Variants in RBFOX1 observed in about 807,000 individuals in gnomAD.
RBFOX1 encodes RNA binding protein fox-1 homolog 1.
RBFOX1 carries 8 observed loss-of-function variants against 57.7 expected under a neutral mutation model. That is an observed-to-expected ratio of 0.14 (90% CI 0.08 to 0.25). RBFOX1 has a LOEUF of 0.25. RBFOX1 is among the 10% of genes least tolerant of loss of function. The pLI is 1.00. For missense variants in RBFOX1, 611 were observed against 548.5 expected, an observed-to-expected ratio of 1.11 and a Z score of -1.14; for synonymous variants, 326 against 222.4, an observed-to-expected ratio of 1.47 and a Z score of -4.15.
intron 3 of RBFOX1, among the ~76,000 whole-genome samples, chr16:6,937,877 A>G (rs144627418): frequency 2.0e-5 from 3 of 149,756 alleles, no homozygotes; most frequent in South Asian, 2.1e-4. Flanking sequence ...CTGAATTCCA[A>G]AAGGGAGATG....
intron 4 of RBFOX1, among the ~76,000 whole-genome samples, chr16:7,300,975 G>A (rs2096016137): frequency 6.6e-6 from 1 of 151,858 alleles, no homozygotes; most frequent in African/African-American, 2.4e-5. Context: ...ATTTTTTTTT[G>A]TGGAGAGATA....
intron 11 of RBFOX1, among the ~76,000 whole-genome samples, chr16:7,641,363 A>G (rs1166228571): frequency 6.6e-6 from 1 of 152,226 alleles, no homozygotes; most frequent in Non-Finnish European, 1.5e-5. Flanking sequence ...ACGTGCTTCA[A>G]ACACCATTTT....
At chr16:5,477,824 G>A (rs1287185837) in intron 2 of RBFOX1, among the ~76,000 whole-genome samples, 3 of 152,180 alleles carry the variant, frequency 2.0e-5, no homozygotes, top group Non-Finnish European at 4.4e-5. Context: ...TCTCACTGAA[G>A]GAAATTTCTG....
intron 4 of RBFOX1, among the ~76,000 whole-genome samples, chr16:5,974,812 C>T (rs577501183): frequency 4.6e-5 from 7 of 152,142 alleles, no homozygotes; most frequent in Non-Finnish European, 8.8e-5. Flanking sequence ...AGTTCCAGAC[C>T]AGCCTGACCA....
chr16:7,029,561 C>G (rs1277650303), intron 3 of RBFOX1, among the ~76,000 whole-genome samples: 45 of 152,056 alleles, frequency 3.0e-4, no homozygotes, highest in Admixed American at 2.9e-3. Context: ...GGACTAATAT[C>G]TCCAAACAGG....
chr16:6,639,373 ACTAT>A (rs762780816), intron 2 of RBFOX1, among the ~76,000 whole-genome samples: 33 of 152,260 alleles, frequency 2.2e-4, no homozygotes, highest in Non-Finnish European at 3.4e-4. Context: ...GTTGAGATAG[ACTAT>A]CTATCAGCTT....
At chr16:5,960,595 T>A (rs2059728288) in intron 4 of RBFOX1, among the ~76,000 whole-genome samples, 1 of 152,140 alleles carries the variant, frequency 6.6e-6, no homozygotes, top group African/African-American at 2.4e-5. Flanking sequence ...GTTAATCAGA[T>A]TCATGCCGTT....
intron 3 of RBFOX1, among the ~76,000 whole-genome samples, chr16:6,728,230 C>T (rs1420272867): frequency 6.6e-6 from 1 of 152,208 alleles, no homozygotes; most frequent in African/African-American, 2.4e-5. Context: ...GAAGCTTCTG[C>T]AGGACTGCTA....
chr16:7,523,690 C>G lies in RBFOX1; in HGVS notation c.270+5301C>G, dbSNP rs538549507. Among the ~76,000 whole-genome samples, 225 of 152,224 alleles carry G rather than the reference C, an allele frequency of 1.5e-3. 1 individual carries two copies. Among genetic ancestry groups the G allele is most frequent in the Middle Eastern group, 3.4e-3 (1 of 294 alleles). ...GCTGATCCTGAAGGAAGTTTTAAGA[C>G]TTATATTCTGAACTGGTATTGGGTA... On this transcript the variant is annotated intron_variant, in intron 5 of 15. Transcript: ENST00000550418.
intron 4 of RBFOX1, among the ~76,000 whole-genome samples, chr16:7,176,598 C>T (rs1221576208): frequency 6.6e-6 from 1 of 152,110 alleles, no homozygotes; most frequent in East Asian, 1.9e-4. Context: ...GCTACAACGA[C>T]ACAGATGATT....
At chr16:6,936,607 C>T (rs1380456714) in intron 3 of RBFOX1, among the ~76,000 whole-genome samples, 2 of 151,960 alleles carry the variant, frequency 1.3e-5, no homozygotes, top group African/African-American at 4.8e-5. Flanking sequence ...ACTTGACATC[C>T]CTATAAAATA....
intron 4 of RBFOX1, among the ~76,000 whole-genome samples, chr16:7,138,688 C>T (rs2072744479): frequency 6.6e-6 from 1 of 152,174 alleles, no homozygotes. Context: ...TAATCATCTA[C>T]CTTCATCATC....
chr16:5,775,321 C>T (rs2054110461), intron 3 of RBFOX1, among the ~76,000 whole-genome samples: 1 of 152,168 alleles, frequency 6.6e-6, no homozygotes, highest in Non-Finnish European at 1.5e-5. Context: ...TTCCCTCTTC[C>T]CTTCAAGTTT....
At chr16:5,821,980 G>T (rs1217549646) in intron 3 of RBFOX1, among the ~76,000 whole-genome samples, 3 of 152,148 alleles carry the variant, frequency 2.0e-5, no homozygotes, top group East Asian at 3.9e-4. Flanking sequence ...TTTTGGAGGG[G>T]ACACAAACAT....
intron 4 of RBFOX1, among the ~76,000 whole-genome samples, chr16:7,184,159 A>C (rs1328747131): frequency 6.6e-6 from 1 of 152,216 alleles, no homozygotes; most frequent in Non-Finnish European, 1.5e-5. Flanking sequence ...GATCATAAAA[A>C]GAGTAGCACA....
chr16:7,480,519 A>AAAAAAAT (rs761054911), intron 4 of RBFOX1, among the ~76,000 whole-genome samples: 10 of 152,126 alleles, frequency 6.6e-5, no homozygotes, highest in Non-Finnish European at 1.0e-4. Flanking sequence ...GGCTCCGTTT[A>AAAAAAAT]AAAAAATACA....
intron 3 of RBFOX1, among the ~76,000 whole-genome samples, chr16:5,635,535 A>G (rs1396223494): frequency 6.6e-6 from 1 of 152,180 alleles, no homozygotes; most frequent in East Asian, 1.9e-4. Context: ...TGTGAAGGAG[A>G]GAAATATGTA....
intron 3 of RBFOX1, among the ~76,000 whole-genome samples, chr16:6,846,682 G>C (rs934335577): frequency 6.6e-6 from 1 of 152,180 alleles, no homozygotes; most frequent in African/African-American, 2.4e-5. Flanking sequence ...AAAATTTCAT[G>C]AATGGTAACG....
At chr16:6,966,848 C>T (rs1182618900) in intron 3 of RBFOX1, among the ~76,000 whole-genome samples, 10 of 151,156 alleles carry the variant, frequency 6.6e-5, no homozygotes, top group Non-Finnish European at 4.4e-5. Flanking sequence ...TCTATCCATC[C>T]ATCTATCCAC....
Sources: allele counts gnomAD v4.1 joint callset (sites outside exome capture counted in the v4.1 genomes callset), GRCh38; gene constraint gnomAD v4.1.1; transcripts MANE v1.5; gene names NCBI Gene and HGNC (gene_info 2026-07-23, HGNC 2026-07-21).